TYRP1: variants seen among roughly 807,000 people sequenced by gnomAD.
TYRP1 encodes the protein 5,6-dihydroxyindole-2-carboxylic acid oxidase.
Under a neutral mutation model 42.8 loss-of-function variants are expected in TYRP1, and 49 were observed. The ratio of observed to expected loss-of-function variants is 1.14; its 90% CI spans 0.91 to 1.45. The LOEUF (loss-of-function observed/expected upper bound fraction) is 1.45. Among genes scored for constraint, TYRP1 ranks in the 40% most tolerant of loss-of-function variants. The pLI is 0.00. For missense variants in TYRP1, 848 were observed against 662.0 expected (o/e 1.28, Z -3.08); for synonymous variants, 279 against 235.4 (o/e 1.19, Z -1.69).
chr9:12,697,668 A>T (rs1818099323), intron 3 of TYRP1, among the ~76,000 whole-genome samples: 1 of 152,118 alleles, frequency 6.6e-6, no homozygotes, highest in Non-Finnish European at 1.5e-5. Context: ...GAGAAATAAC[A>T]AGGAAATGTA....
rs1471257225 is a variant in TYRP1, at chr9:12,694,211, C to T, written c.215C>T (p.Ser72Phe). The T allele has an allele frequency of 6.2e-7, 1 of 1,613,704 alleles. No homozygotes were observed. The highest frequency in any genetic ancestry group is 8.5e-7 in the Non-Finnish European group (1 of 1,179,920). Residue 72 changes from serine to phenylalanine, a missense_variant, in exon 2 of 8, where the codon TCC (serine) becomes TTC (phenylalanine). Physicochemically the swap from Ser to Phe is radical, Grantham distance 155. Coordinates refer to ENST00000388918, the MANE Select transcript of TYRP1 (RefSeq NM_000550.3). The stretch of plus-strand genomic sequence containing the variant: ...AGATGTGAGGCAGTGACTGCAGACT[C>T]CCGGCCCCACAGCCCTCAGTATCCC... Reference protein sequence around the residue: ...RGRCEAVTADSRPHSPQYPHD... With the variant: ...RGRCEAVTADFRPHSPQYPHD...
intron 3 of TYRP1, among the ~76,000 whole-genome samples, chr9:12,697,737 G>C (rs1207503217): frequency 6.6e-6 from 1 of 152,130 alleles, no homozygotes; most frequent in Non-Finnish European, 1.5e-5. Flanking sequence ...TTTTAAAAAT[G>C]TGAGATCAGC....
intron 3 of TYRP1, among the ~76,000 whole-genome samples, chr9:12,697,514 A>G (rs1323091805): frequency 1.3e-5 from 2 of 152,126 alleles, no homozygotes; most frequent in African/African-American, 4.8e-5. Flanking sequence ...AAAACACCCA[A>G]GGATAAGAAA....
At chr9:12,694,562 G>T in intron 2 of TYRP1, 181 bp downstream of exon 2, 1 of 736,932 alleles carries the variant, frequency 1.4e-6, no homozygotes, top group South Asian at 1.9e-5. Flanking sequence ...AAGGGTTGGA[G>T]TTGAAGCTCA....
intron 4 of TYRP1, 112 bp downstream of exon 4, chr9:12,698,767 T>C: frequency 9.7e-7 from 1 of 1,028,954 alleles, no homozygotes; most frequent in Non-Finnish European, 1.5e-6. Context: ...AAATCTACTT[T>C]TATTATAGAG....
chr9:12,695,765 T>C lies in TYRP1; in HGVS notation c.636T>C (p.Asp212=). The change falls in exon 3 of 8, where the codon GAT becomes GAC. Residue 212 remains aspartate, a synonymous_variant. Coordinates refer to ENST00000388918, the MANE Select transcript of TYRP1 (RefSeq NM_000550.3). ...GACAGGAAAGCTTTGGTGAAGTGGA[T>C]TTCTCTCATGAGGGACCAGCTTTTC... ...GVGQESFGEV[D]FSHEGPAFLT... 1 of 1,614,110 alleles carries C rather than the reference T, an allele frequency of 6.2e-7. No homozygotes were observed. The highest frequency in any genetic ancestry group is 1.1e-5 in the South Asian group (1 of 91,078).
chr9:12,701,093 G>C (rs1818160214), intron 4 of TYRP1, among the ~76,000 whole-genome samples: 1 of 151,962 alleles, frequency 6.6e-6, no homozygotes, highest in Middle Eastern at 3.4e-3. Context: ...CCTTTCTGGA[G>C]ACCACTGGGA....
intron 6 of TYRP1, 128 bp downstream of exon 6, chr9:12,704,833 ATC>A: frequency 2.2e-6 from 2 of 901,518 alleles, no homozygotes; most frequent in Non-Finnish European, 3.6e-6. Context: ...TAGCTGTAAT[ATC>A]AAGTCACTTC....
chr9:12,699,339 C>G (rs987039159), intron 4 of TYRP1, among the ~76,000 whole-genome samples: 3 of 151,974 alleles, frequency 2.0e-5, no homozygotes, highest in Non-Finnish European at 2.9e-5. Context: ...CTCCTTGGAT[C>G]ATATTATTAT....
Position 12,694,019 on chromosome 9 carries a change from C to T in TYRP1, c.23C>T (p.Ser8Phe), listed in dbSNP as rs201899938. Residue 8 changes from serine to phenylalanine, a missense_variant, in exon 2 of 8, where the codon TCT (serine) becomes TTT (phenylalanine). Ser to Phe is a radical substitution (Grantham distance 155). Coordinates refer to ENST00000388918, the MANE Select transcript of TYRP1 (RefSeq NM_000550.3). The stretch of plus-strand genomic sequence containing the variant: ...AGAATGAGTGCTCCTAAACTCCTCT[C>T]TCTGGGCTGTATCTTCTTCCCCTTG... MSAPKLL[S>F]LGCIFFPLLL... 27 of 1,614,092 alleles carry T rather than the reference C, an allele frequency of 1.7e-5. No homozygotes were observed.
In TYRP1 at chr9:12,698,552, C is replaced by T. The variant is rs202189890; in HGVS notation, c.810C>T (p.Ser270=). The change falls in exon 4 of 8, where the codon AGC becomes AGT. Residue 270 remains serine (S), a synonymous_variant. Coordinates refer to ENST00000388918, the MANE Select transcript of TYRP1 (RefSeq NM_000550.3). ...ICTDDLMGSR[S]NFDSTLISPN... ...CGGATGACTTGATGGGATCCAGAAG[C>T]AACTTTGATTCCACTCTAATAAGCC... 1 of 1,613,836 alleles carries T rather than the reference C, an allele frequency of 6.2e-7. No individual in the cohort carries two copies. Among genetic ancestry groups the T allele is most frequent in the South Asian group, 1.1e-5 (1 of 91,080 alleles).
chr9:12,699,491 A>G (rs1818131496), intron 4 of TYRP1, among the ~76,000 whole-genome samples: 1 of 151,640 alleles, frequency 6.6e-6, no homozygotes, highest in Non-Finnish European at 1.5e-5. Flanking sequence ...TCTTATTATA[A>G]TCACCACATA....
Position 12,694,084 on chromosome 9 carries a change from T to G in TYRP1, c.88T>G (p.Cys30Gly), listed in dbSNP as rs752175806. 6.2e-7 allele frequency: 1 copy of G among 1,614,052 alleles called. No individual in the cohort carries two copies. The highest frequency in any genetic ancestry group is 1.1e-5 in the South Asian group (1 of 91,072). ...GGCCCGGGCTCAATTCCCAAGACAG[T>G]GTGCCACTGTTGAGGCTTTGAGAAG... ...QQARAQFPRQ[C>G]ATVEALRSGM... The change falls in exon 2 of 8, where the codon TGT becomes GGT. Residue 30 changes from cysteine (C) to glycine (G), a missense_variant. Cys to Gly is a radical substitution (Grantham distance 159, BLOSUM62 -3). Transcript: ENST00000388918.
chr9:12,698,337 G>C (rs1389034675), intron 3 of TYRP1, 114 bp from the exon 4 acceptor site: 3 of 1,025,792 alleles, frequency 2.9e-6, no homozygotes, highest in African/African-American at 3.2e-5. Flanking sequence ...ATACTAACCA[G>C]TACCTTATTG....
intron 1 of TYRP1, 114 bp from the exon 2 acceptor site, chr9:12,693,798 G>A (rs902909439): frequency 6.4e-6 from 4 of 620,378 alleles, no homozygotes; most frequent in Admixed American, 6.0e-5. Context: ...TATTATTTGT[G>A]TGAAATGTCA....
intron 7 of TYRP1, 74 bp from the exon 8 acceptor site, chr9:12,708,903 A>C: frequency 7.5e-7 from 1 of 1,334,306 alleles, no homozygotes; most frequent in Non-Finnish European, 1.1e-6. Flanking sequence ...ACATTTCTAA[A>C]TTTCATCTGT....
At chr9:12,695,400 A>G (rs1818058828) in intron 2 of TYRP1, 115 bp from the exon 3 acceptor site, 2 of 932,056 alleles carry the variant, frequency 2.1e-6, no homozygotes, top group South Asian at 3.0e-5. Flanking sequence ...ATAATTTAAA[A>G]CACATTTGAA....
intron 4 of TYRP1, among the ~76,000 whole-genome samples, chr9:12,699,203 A>G (rs1458922429): frequency 1.3e-5 from 2 of 152,128 alleles, no homozygotes; most frequent in Non-Finnish European, 2.9e-5. Flanking sequence ...GCTCTTCCAA[A>G]GTGAACACAG....
intron 6 of TYRP1, chr9:12,707,793 T>A (rs990004462): frequency 8.4e-5 from 43 of 508,986 alleles, no homozygotes; most frequent in Non-Finnish European, 1.2e-4. Flanking sequence ...TATTAAGTGG[T>A]ATATTGGTAC....
Sources: gnomAD v4.1 joint callset for allele counts (sites outside exome capture counted in the v4.1 genomes callset) on GRCh38, gnomAD v4.1.1 for gene constraint, MANE v1.5 for transcripts, NCBI Gene and HGNC (gene_info 2026-07-23, HGNC 2026-07-21) for gene names.